CACNB2: variants seen among roughly 807,000 people sequenced by gnomAD.
CACNB2 encodes calcium voltage-gated channel auxiliary subunit beta 2.
CACNB2 carries 42 observed loss-of-function variants against 73.3 expected under a neutral mutation model. That is an observed-to-expected ratio of 0.57 (90% CI 0.45 to 0.74). The LOEUF (loss-of-function observed/expected upper bound fraction) is 0.74. Among genes scored for constraint, CACNB2 ranks in the 30% least tolerant of loss-of-function variants. The probability of loss-of-function intolerance (pLI) is 0.00; values close to 1 mark genes in which losing one functional copy is unlikely to be tolerated. For missense variants in CACNB2, 940 were observed against 853.0 expected (o/e 1.10, Z -1.27); for synonymous variants, 348 against 310.3 (o/e 1.12, Z -1.28).
In CACNB2 at chr10:18,421,233, T is replaced by C. The variant is rs1440620828; in HGVS notation, c.333+19190T>C. 2.5e-4 allele frequency among the ~76,000 whole-genome samples: 38 copies of C among 152,194 alleles called. No homozygotes were observed. The South Asian group carries it at 7.5e-3, about 30-fold the overall frequency. On this transcript the variant is annotated intron_variant, in intron 3 of 13. Coordinates refer to ENST00000324631, the MANE Select transcript of CACNB2 (RefSeq NM_201596.3). ...TAAATTTCTCTGAAATACATATTTT[T>C]TTTTTTTGTTTCCTTGGCTGAAAAA...
intron 2 of CACNB2, among the ~76,000 whole-genome samples, chr10:18,311,817 A>G (rs993125065): frequency 2.6e-5 from 4 of 152,148 alleles, no homozygotes; most frequent in African/African-American, 9.7e-5. Flanking sequence ...GGTAGATGGC[A>G]CTTAGACTTC....
At chr10:18,486,739 C>T (rs1224195883) in intron 3 of CACNB2, among the ~76,000 whole-genome samples, 1 of 152,118 alleles carries the variant, frequency 6.6e-6, no homozygotes, top group Non-Finnish European at 1.5e-5. Flanking sequence ...GGGCATGAGT[C>T]AGGGCAGAAG....
intron 2 of CACNB2, among the ~76,000 whole-genome samples, chr10:18,347,597 A>C (rs1318978683): frequency 6.6e-6 from 1 of 150,890 alleles, no homozygotes; most frequent in African/African-American, 2.5e-5. Context: ...AATAATTTTT[A>C]TCTCTCTACT....
chr10:18,476,227 C>G (rs1287378079), intron 3 of CACNB2, among the ~76,000 whole-genome samples: 1 of 152,120 alleles, frequency 6.6e-6, no homozygotes, highest in Non-Finnish European at 1.5e-5. Context: ...GTAGGAGTGT[C>G]TTTTAACATG....
chr10:18,186,276 G>C (rs1174987418), intron 2 of CACNB2, among the ~76,000 whole-genome samples: 2 of 151,948 alleles, frequency 1.3e-5, no homozygotes, highest in Non-Finnish European at 2.9e-5. Context: ...AAAATTAGCT[G>C]GGCGTGGTGG....
chr10:18,483,873 C>T (rs192565324), intron 3 of CACNB2, among the ~76,000 whole-genome samples: 17 of 152,294 alleles, frequency 1.1e-4, no homozygotes, highest in African/African-American at 3.8e-4. Flanking sequence ...AGGGATACCA[C>T]TGTTGGAGTC....
At chr10:18,537,913 A>AGAC in intron 12 of CACNB2, among the ~76,000 whole-genome samples, 1 of 152,332 alleles carries the variant, frequency 6.6e-6, no homozygotes, top group East Asian at 1.9e-4. Flanking sequence ...GCTGATTGAT[A>AGAC]GACAACTTTT....
Position 18,500,812 on chromosome 10 carries a change from A to G in CACNB2, c.457A>G (p.Lys153Glu). 1 of 1,613,858 alleles carries G rather than the reference A, an allele frequency of 6.2e-7. No individual in the cohort carries two copies. Among genetic ancestry groups the G allele is most frequent in the Non-Finnish European group, 8.5e-7 (1 of 1,179,902 alleles). Residue 153 changes from lysine to glutamate, a missense_variant and splice_region_variant, in exon 5 of 14, where the codon AAA (lysine) becomes GAA (glutamate). Coordinates refer to ENST00000324631, the MANE Select transcript of CACNB2 (RefSeq NM_201596.3). ...EAKDFLHVKE[K>E]FNNDWWIGRL... The stretch of plus-strand genomic sequence containing the variant: ...TTAATGCTTTTGATTTTGTGTTTAG[A>G]AATTTAACAATGACTGGTGGATAGG...
At chr10:18,524,862 TAAAA>T (rs752541857) in intron 9 of CACNB2, among the ~76,000 whole-genome samples, 5 of 117,408 alleles carry the variant, frequency 4.3e-5, no homozygotes, top group African/African-American at 6.3e-5. Flanking sequence ...CTGTTTCTAC[TAAAA>T]AAAAAAAAAA....
intron 2 of CACNB2, among the ~76,000 whole-genome samples, chr10:18,350,935 A>G (rs2132134506): frequency 6.6e-6 from 1 of 152,284 alleles, no homozygotes; most frequent in African/African-American, 2.4e-5. Context: ...GTTAAAAACC[A>G]TTTTTAATCT....
At chr10:18,361,458 C>T (rs2042134282) in intron 2 of CACNB2, among the ~76,000 whole-genome samples, 2 of 146,460 alleles carry the variant, frequency 1.4e-5, no homozygotes, top group Non-Finnish European at 3.0e-5. Context: ...AAGATCGCAC[C>T]ACTGCACTCC....
intron 2 of CACNB2, among the ~76,000 whole-genome samples, chr10:18,325,689 CCCTTCCTTCCTT>C (rs1355342877): frequency 3.4e-5 from 3 of 89,224 alleles, no homozygotes; most frequent in African/African-American, 1.3e-4. Context: ...CTCCCTCCCT[CCCTTCCTTCCTT>C]CCTTCCTTCC....
At chr10:18,454,519 C>G (rs891573127) in intron 3 of CACNB2, among the ~76,000 whole-genome samples, 1 of 152,092 alleles carries the variant, frequency 6.6e-6, no homozygotes, top group Non-Finnish European at 1.5e-5. Flanking sequence ...TTTTTTACCC[C>G]CTAAGAACAA....
At chr10:18,432,454 G>C (rs764037232) in intron 3 of CACNB2, among the ~76,000 whole-genome samples, 2,730 of 19,118 alleles carry the variant, frequency 0.14, 26 homozygotes, top group African/African-American at 0.35. Flanking sequence ...GTGTCTCTGT[G>C]TGTGTGTGTG....
Position 18,355,802 on chromosome 10 carries a change from A to T in CACNB2, c.214-46122A>T, listed in dbSNP as rs2041885211. On this transcript the variant is annotated intron_variant, in intron 2 of 13. Transcript: ENST00000324631. ...AGGTGCCTGCCACCACGCCTGCCTCATTTTTTTGTATTTTTAGTGGAGACA... is the reference window on the plus strand; with the variant it reads ...AGGTGCCTGCCACCACGCCTGCCTCTTTTTTTTGTATTTTTAGTGGAGACA... 2.0e-5 allele frequency among the ~76,000 whole-genome samples: 3 copies of T among 151,366 alleles called. No individual in the cohort carries two copies. In the South Asian group the frequency reaches 6.3e-4, roughly 32 times the overall value.
intron 2 of CACNB2, among the ~76,000 whole-genome samples, chr10:18,332,052 A>G (rs769003641): frequency 2.0e-5 from 3 of 152,174 alleles, no homozygotes; most frequent in African/African-American, 4.8e-5. Flanking sequence ...AGGGGCAGAG[A>G]GAGGGGAGAG....
At chr10:18,177,422 C>A (rs1002604147) in intron 2 of CACNB2, among the ~76,000 whole-genome samples, 1 of 149,306 alleles carries the variant, frequency 6.7e-6, no homozygotes, top group Admixed American at 6.7e-5. Flanking sequence ...GGGTTTGAGA[C>A]CAGCCTGGCC....
At chr10:18,355,066 G>A (rs1397156861) in intron 2 of CACNB2, among the ~76,000 whole-genome samples, 1 of 152,160 alleles carries the variant, frequency 6.6e-6, no homozygotes, top group African/African-American at 2.4e-5. Context: ...AAACATTAAT[G>A]AATGTTGTAT....
intron 2 of CACNB2, among the ~76,000 whole-genome samples, chr10:18,280,457 C>T (rs767447899): frequency 1.3e-4 from 20 of 152,140 alleles, no homozygotes; most frequent in Admixed American, 7.9e-4. Flanking sequence ...CTATTGAATT[C>T]GTACACTTAA....
Sources: gnomAD v4.1 joint callset for allele counts (sites outside exome capture counted in the v4.1 genomes callset) on GRCh38, gnomAD v4.1.1 for gene constraint, MANE v1.5 for transcripts, NCBI Gene and HGNC (gene_info 2026-07-23, HGNC 2026-07-21) for gene names.